The following PLS1 variants were observed in gnomAD, a reference collection of about 807,000 sequenced individuals.
PLS1 encodes plastin 1.
Under a neutral mutation model 73.7 loss-of-function variants are expected in PLS1, and 32 were observed. The ratio of observed to expected loss-of-function variants is 0.43; its 90% confidence interval spans 0.33 to 0.58. The LOEUF (loss-of-function observed/expected upper bound fraction) is 0.58, where lower values mean the gene tolerates loss of function less well. Among genes scored for constraint, PLS1 ranks in the 20% least tolerant of loss-of-function variants. The pLI, the probability that PLS1 is intolerant of heterozygous loss-of-function variation, is 0.04. For synonymous variants in PLS1, 217 were observed against 261.3 expected (o/e 0.83, Z 1.63); for missense variants, 633 against 740.5 (o/e 0.85, Z 1.68).
intron 1 of PLS1, among the ~76,000 whole-genome samples, chr3:142,634,874 A>G (rs1311933343): frequency 6.6e-6 from 1 of 151,864 alleles, no homozygotes; most frequent in Admixed American, 6.6e-5. Context: ...ATAATAAAAC[A>G]TATGGGGTTT....
intron 1 of PLS1, among the ~76,000 whole-genome samples, chr3:142,652,736 C>T (rs2037126253): frequency 6.6e-6 from 1 of 152,176 alleles, no homozygotes; most frequent in African/African-American, 2.4e-5. Flanking sequence ...GGGGAGAACT[C>T]TGGGATAAAG....
At chr3:142,678,378 C>T (rs1033976250) in intron 6 of PLS1, among the ~76,000 whole-genome samples, 3 of 148,522 alleles carry the variant, frequency 2.0e-5, no homozygotes, top group Non-Finnish European at 3.0e-5. Context: ...CCCATTAACT[C>T]GTCATTTAGC....
At chr3:142,604,091 G>A (rs1389722769) in intron 1 of PLS1, among the ~76,000 whole-genome samples, 2 of 152,028 alleles carry the variant, frequency 1.3e-5, no homozygotes, top group Admixed American at 6.6e-5. Context: ...AATGACAAAA[G>A]CTCCTTCAAT....
At chr3:142,661,996 G>T (rs930637668) in intron 1 of PLS1, among the ~76,000 whole-genome samples, 3 of 152,138 alleles carry the variant, frequency 2.0e-5, no homozygotes, top group African/African-American at 7.2e-5. Context: ...CGTTGTGGAA[G>T]ACAGTGTGGC....
At chr3:142,691,784 A>AT (rs1270895369) in intron 10 of PLS1, among the ~76,000 whole-genome samples, 1 of 152,194 alleles carries the variant, frequency 6.6e-6, no homozygotes, top group Non-Finnish European at 1.5e-5. Context: ...ATCATATCAC[A>AT]TCCCAAATTC....
At chr3:142,683,940 A>G in intron 6 of PLS1, 66 bp from the exon 7 acceptor site, 1 of 1,191,860 alleles carries the variant, frequency 8.4e-7, no homozygotes. Context: ...TTTCTTATAG[A>G]TAATTTTTAT....
Position 142,713,441 on chromosome 3 carries a change from ATTC to A in PLS1, c.*1439_*1441del, listed in dbSNP as rs1193425214. ...GATCAACAGGTGGAATTTGAAATAT[ATTC>A]TTCTACAAAAGAGATTTCTTTCCCT... is the stretch of plus-strand genomic sequence containing the variant. On this transcript the variant is annotated 3_prime_UTR_variant, in exon 16 of 16. Transcript: ENST00000457734. 6.6e-6 allele frequency: 1 copy of A among 152,618 alleles called. No individual in the cohort carries two copies. Among genetic ancestry groups the A allele is most frequent in the African/African-American group, 2.4e-5 (1 of 41,460 alleles). 9.5% of individuals were successfully genotyped at this position (152,618 alleles called of 1,614,324 possible). A position where few individuals can be genotyped will look rare whatever the true frequency, so the allele number is the denominator to read the frequency against.
intron 8 of PLS1, 23 bp from the exon 9 acceptor site, chr3:142,686,261 C>G (rs760211577): frequency 7.3e-7 from 1 of 1,360,744 alleles, no homozygotes; most frequent in African/African-American, 1.4e-5. Context: ...TTTAAAAATG[C>G]TATTTCATAT....
At chr3:142,652,566 G>A (rs1012269814) in intron 1 of PLS1, among the ~76,000 whole-genome samples, 6 of 152,180 alleles carry the variant, frequency 3.9e-5, no homozygotes, top group Non-Finnish European at 7.3e-5. Context: ...GAGTGGAGCC[G>A]AGGGCACAGA....
At chr3:142,605,668 C>T (rs1000938526) in intron 1 of PLS1, among the ~76,000 whole-genome samples, 5 of 152,210 alleles carry the variant, frequency 3.3e-5, no homozygotes, top group Admixed American at 6.5e-5. Context: ...TCTTCTGTTA[C>T]TGACCATATG....
rs368909234 is a variant in PLS1 at position 142,602,904 on chromosome 3, C to T, written c.-37+6395C>T. 1.2e-4 allele frequency among the ~76,000 whole-genome samples: 18 copies of T among 152,110 alleles called. No homozygotes were observed. In the East Asian group the frequency reaches 1.3e-3, roughly 11 times the overall value. ...GTTTCACCATGTTGGCCAGGCTGGT[C>T]GCCAACTCCTGACCTCAAGTGACTC... is the stretch of plus-strand genomic sequence containing the variant. On this transcript the variant is annotated intron_variant, in intron 1 of 15. Transcript: ENST00000457734.
chr3:142,622,499 C>T (rs541532081), intron 1 of PLS1, among the ~76,000 whole-genome samples: 1 of 152,232 alleles, frequency 6.6e-6, no homozygotes, highest in South Asian at 2.1e-4. Context: ...TGGGATCATA[C>T]AGTACTGTAT....
Position 142,689,780 on chromosome 3 carries a change from A to T in PLS1, c.1144A>T (p.Asn382Tyr). ...CACATACCCGTGCCTGCACAAGCCG[A>T]ATAATAATGACATCGATATGAATTT... The part of the protein sequence containing the change: ...FNTYPCLHKP[N>Y]NNDIDMNLLE... The change falls in exon 10 of 16, where the codon AAT (asparagine) becomes TAT (tyrosine). Residue 382 changes from asparagine (N) to tyrosine (Y), a missense_variant. By Grantham distance (143) the Asn-to-Tyr change is moderately radical (BLOSUM62 -2). Coordinates refer to ENST00000457734, the MANE Select transcript of PLS1 (RefSeq NM_001145319.2). 1 of 1,596,200 alleles carries T rather than the reference A, an allele frequency of 6.3e-7. No homozygotes were observed. Among genetic ancestry groups the T allele is most frequent in the Non-Finnish European group, 8.5e-7 (1 of 1,172,724 alleles).
Position 142,676,230 on chromosome 3 carries a change from A to G in PLS1, c.438A>G (p.Ile146Met), listed in dbSNP as rs35710125. Residue 146 changes from isoleucine to methionine, a missense_variant, in exon 5 of 16, where the codon ATA (isoleucine) becomes ATG (methionine). Ile to Met is a conservative substitution (Grantham distance 10). Transcript: ENST00000457734. ...LENDPDCKHL[I>M]PMNPNDDSLF... is the part of the protein sequence containing the mutation. ...ATGACCCTGACTGTAAGCATCTTAT[A>G]CCCATGAATCCCAATGATGATAGTC... 5,455 of 1,613,056 alleles carry G rather than the reference A, an allele frequency of 3.4e-3. 148 individuals carry two copies. In the African/African-American group the frequency reaches 0.062, roughly 18 times the overall value.
intron 6 of PLS1, among the ~76,000 whole-genome samples, chr3:142,683,660 T>G (rs2037901833): frequency 6.6e-6 from 1 of 152,202 alleles, no homozygotes; most frequent in African/African-American, 2.4e-5. Flanking sequence ...TTGTACATCA[T>G]TTTTTAAAGA....
At chr3:142,643,127 G>T (rs2036876788) in intron 1 of PLS1, among the ~76,000 whole-genome samples, 1 of 152,190 alleles carries the variant, frequency 6.6e-6, no homozygotes, top group Non-Finnish European at 1.5e-5. Context: ...GCTGAGGAAA[G>T]AATTAAATTC....
Position 142,689,790 on chromosome 3 carries a change from A to C in PLS1, c.1154A>C (p.Asp385Ala), listed in dbSNP as rs2038050872. ...YPCLHKPNNNDIDMNLLEGES... is the reference protein window; with the variant it reads ...YPCLHKPNNNAIDMNLLEGES... ...TGCCTGCACAAGCCGAATAATAATGACATCGATATGAATTTACTGGAAGGT... is the reference window on the plus strand; with the variant it reads ...TGCCTGCACAAGCCGAATAATAATGCCATCGATATGAATTTACTGGAAGGT... Residue 385 changes from aspartate (D) to alanine (A), a missense_variant, in exon 10 of 16, where the codon GAC (aspartate) becomes GCC (alanine). Transcript: ENST00000457734. The C allele has an allele frequency of 6.3e-7, 1 of 1,591,894 alleles. No individual in the cohort carries two copies. The highest frequency in any genetic ancestry group is 1.1e-5 in the South Asian group (1 of 87,200).
At chr3:142,618,713 C>G (rs180807457) in intron 1 of PLS1, among the ~76,000 whole-genome samples, 1 of 152,128 alleles carries the variant, frequency 6.6e-6, no homozygotes, top group Non-Finnish European at 1.5e-5. Flanking sequence ...GTCGGTAAAG[C>G]CCCTCTCATA....
At chr3:142,640,661 A>G (rs1427805660) in intron 1 of PLS1, among the ~76,000 whole-genome samples, 2 of 152,192 alleles carry the variant, frequency 1.3e-5, no homozygotes, top group Non-Finnish European at 2.9e-5. Context: ...TTTAAAAATA[A>G]CATGTATGGG....
Sources: gnomAD v4.1 joint callset for allele counts (sites outside exome capture counted in the v4.1 genomes callset) on GRCh38, gnomAD v4.1.1 for gene constraint, MANE v1.5 for transcripts, NCBI Gene and HGNC (gene_info 2026-07-23, HGNC 2026-07-21) for gene names.